The following PAPPA variants were observed in gnomAD, a reference collection of about 807,000 sequenced individuals.
PAPPA encodes pappalysin 1, also known as pappalysin-1.
In PAPPA, 60 loss-of-function variants were observed where a neutral mutation model predicts 164.0. The ratio of observed to expected loss-of-function variants is 0.37; its 90% CI spans 0.30 to 0.45. The LOEUF is 0.45. Ranked by LOEUF, PAPPA falls within the 20% of genes least tolerant of loss-of-function variation. PAPPA has a pLI of 1.00. For missense variants in PAPPA, 1,782 were observed against 2,087.3 expected (o/e 0.85, Z 2.85); for synonymous variants, 875 against 814.1 (o/e 1.07, Z -1.27).
chr9:116,221,725 A>G (rs1224708798), intron 5 of PAPPA, among the ~76,000 whole-genome samples: 2 of 152,066 alleles, frequency 1.3e-5, no homozygotes, highest in African/African-American at 2.4e-5. Context: ...CCGCAAGGCA[A>G]AAAAAAAGCC....
At chr9:116,357,840 G>C (rs1358810012) in intron 17 of PAPPA, among the ~76,000 whole-genome samples, 1 of 152,186 alleles carries the variant, frequency 6.6e-6, no homozygotes, top group African/African-American at 2.4e-5. Flanking sequence ...TGTGGGCAAA[G>C]TGATGCACCT....
rs1843572983 is a variant in PAPPA, at chr9:116,154,344, T to TTGC, written c.172_173insTGC (p.Ser58delinsLeuPro). The TTGC allele has an allele frequency of 1.2e-6, 1 of 824,070 alleles. No individual in the cohort carries two copies. The highest frequency in any genetic ancestry group is 2.0e-5 in the African/African-American group (1 of 50,992). The allele number at this position is 824,070 out of a possible 1,614,324, so 51.0% of individuals were successfully genotyped here. ...CCGGGCGGCCCGCGGCCGCCGCGCC[T>TTGC]CGCCGCCGCCGCCGCCGCCGCCGGG... On this transcript the variant is annotated protein_altering_variant, in exon 1 of 22. Transcript: ENST00000328252. This position sits in a 1 kb window ranked among gnomAD's most constrained non-coding sequence, Gnocchi z 5.2.
rs575126664 is a variant in PAPPA at position 116,160,927 on chromosome 9, A to G, written c.415+6340A>G. On this transcript the variant is annotated intron_variant, in intron 1 of 21. Transcript: ENST00000328252. ...GGTTTGGCTTCCTCTAAGCTGTGTG[A>G]CCTGTGGTCTCTGACTTAACCACTG... is the stretch of plus-strand genomic sequence containing the variant. 5.9e-5 allele frequency among the ~76,000 whole-genome samples: 9 copies of G among 152,268 alleles called. No homozygotes were observed. The East Asian group carries it at 1.7e-3, about 29-fold the overall frequency.
At chr9:116,376,241 G>A (rs1049235754) in intron 19 of PAPPA, among the ~76,000 whole-genome samples, 1 of 152,006 alleles carries the variant, frequency 6.6e-6, no homozygotes, top group Non-Finnish European at 1.5e-5. Flanking sequence ...GGATAGTCTC[G>A]ATCTTTTGAC....
intron 9 of PAPPA, among the ~76,000 whole-genome samples, chr9:116,281,853 C>A (rs941421135): frequency 3.9e-5 from 6 of 152,306 alleles, no homozygotes; most frequent in Admixed American, 3.9e-4. Context: ...ACTTAACCAT[C>A]CTCTTGATTT....
At chr9:116,222,184 C>T (rs975042736) in intron 5 of PAPPA, among the ~76,000 whole-genome samples, 3 of 152,162 alleles carry the variant, frequency 2.0e-5, no homozygotes, top group Admixed American at 2.0e-4. Flanking sequence ...GTTCACTGTA[C>T]ATTATTCACA....
intron 10 of PAPPA, among the ~76,000 whole-genome samples, chr9:116,322,410 C>CAAA (rs34749732): frequency 1.2e-3 from 68 of 56,054 alleles, no homozygotes; most frequent in East Asian, 1.8e-3. Context: ...GACTTAGTCT[C>CAAA]AAAAAAAAAA....
chr9:116,207,881 C>T (rs989276694), intron 3 of PAPPA, among the ~76,000 whole-genome samples: 10 of 152,178 alleles, frequency 6.6e-5, no homozygotes, highest in African/African-American at 2.4e-4. Context: ...CAACATCACA[C>T]GCAAGACAGT....
chr9:116,263,439 C>T (rs1028357444), intron 7 of PAPPA, among the ~76,000 whole-genome samples: 3 of 152,138 alleles, frequency 2.0e-5, no homozygotes, highest in African/African-American at 7.2e-5. Flanking sequence ...TGCATCTTCA[C>T]GGGTTTGCCT....
chr9:116,370,787 A>T (rs1846562934), intron 19 of PAPPA, among the ~76,000 whole-genome samples: 1 of 152,184 alleles, frequency 6.6e-6, no homozygotes. Context: ...CAACACTGAG[A>T]TCACAGGTCA....
At chr9:116,266,022 G>GCCCC in intron 8 of PAPPA, 37 bp downstream of exon 8, 9 of 1,465,926 alleles carry the variant, frequency 6.1e-6, no homozygotes, top group African/African-American at 1.4e-5. Context: ...GAGGAGGGAT[G>GCCCC]CTGGTTAGGT....
chr9:116,181,368 C>G (rs1389267843), intron 1 of PAPPA, among the ~76,000 whole-genome samples: 1 of 151,984 alleles, frequency 6.6e-6, no homozygotes, highest in Non-Finnish European at 1.5e-5. Flanking sequence ...CTCTCTCTCT[C>G]ACTGGTTTCC....
At chr9:116,253,776 T>G (rs1844889597) in intron 7 of PAPPA, among the ~76,000 whole-genome samples, 1 of 152,168 alleles carries the variant, frequency 6.6e-6, no homozygotes, top group East Asian at 1.9e-4. Flanking sequence ...CCAACGCCAT[T>G]CAGTAAAGAA....
intron 2 of PAPPA, among the ~76,000 whole-genome samples, chr9:116,203,176 A>C (rs1171665666): frequency 6.6e-6 from 1 of 152,234 alleles, no homozygotes; most frequent in African/African-American, 2.4e-5. Flanking sequence ...GACTTTACTT[A>C]TGATACAAAA....
chr9:116,281,840 C>T (rs916032482), intron 9 of PAPPA, among the ~76,000 whole-genome samples: 2 of 152,088 alleles, frequency 1.3e-5, no homozygotes, highest in Admixed American at 6.6e-5. Context: ...TGCCTCACAC[C>T]CCACTTAACC....
At chr9:116,216,976 G>A (rs926091326) in intron 4 of PAPPA, among the ~76,000 whole-genome samples, 3 of 152,148 alleles carry the variant, frequency 2.0e-5, no homozygotes, top group Admixed American at 6.5e-5. Flanking sequence ...TCCTGACCTC[G>A]TGATCCGCCC....
At chr9:116,294,887 G>A (rs1845482375) in intron 9 of PAPPA, among the ~76,000 whole-genome samples, 1 of 152,180 alleles carries the variant, frequency 6.6e-6, no homozygotes, top group South Asian at 2.1e-4. Flanking sequence ...GCTAGAAATA[G>A]AAATAGATGC....
Position 116,187,877 on chromosome 9 carries a change from ATCAGCTGGCTGAGGCCT to A in PAPPA, c.1143_1159del (p.Leu382AlafsTer28). The A allele has an allele frequency of 6.2e-7, 1 of 1,614,194 alleles. No homozygotes were observed. Among genetic ancestry groups the A allele is most frequent in the Non-Finnish European group, 8.5e-7 (1 of 1,180,030 alleles). On this transcript the variant is annotated frameshift_variant, in exon 2 of 22. Transcript: ENST00000328252. LOFTEE classifies it high-confidence loss of function. The surrounding 1 kb of genome is among the most constrained non-coding windows in gnomAD (Gnocchi z 4.2). Reference sequence around the variant, plus strand: ...CGCGAGCAGGTGGACTTCCAGCACCATCAGCTGGCTGAGGCCTTCAAGCAATACAACATCTCCTGGGA... The same window carrying A: ...CGCGAGCAGGTGGACTTCCAGCACCATCAAGCAATACAACATCTCCTGGGA...
chr9:116,216,030 G>A (rs550348447), intron 4 of PAPPA, among the ~76,000 whole-genome samples: 3 of 152,044 alleles, frequency 2.0e-5, no homozygotes, highest in Non-Finnish European at 2.9e-5. Context: ...TCAGGGTAAT[G>A]TTTATTTTTT....
Sources: allele counts gnomAD v4.1 joint callset (sites outside exome capture counted in the v4.1 genomes callset), GRCh38; gene constraint gnomAD v4.1.1; non-coding constraint Gnocchi (gnomAD v3.1); transcripts MANE v1.5; gene names NCBI Gene and HGNC (gene_info 2026-07-23, HGNC 2026-07-21).